The following CUX1 variants were observed in gnomAD, a reference collection of about 807,000 sequenced individuals.
CUX1 encodes the protein protein CASP.
In CUX1, 31 loss-of-function variants were observed where a neutral mutation model predicts 158.8. The observed-to-expected ratio is 0.20, with a 90% confidence interval of 0.15 to 0.26. The LOEUF is 0.26. Among genes scored for constraint, CUX1 ranks in the 10% least tolerant of loss-of-function variants. CUX1 has a pLI of 1.00. For synonymous variants in CUX1, 879 were observed against 862.1 expected (o/e 1.02, Z -0.34); for missense variants, 1,589 against 2,014.6 (o/e 0.79, Z 4.04).
intron 2 of CUX1, among the ~76,000 whole-genome samples, chr7:101,976,000 T>G (rs1232986479): frequency 1.3e-5 from 2 of 152,094 alleles, no homozygotes; most frequent in Non-Finnish European, 2.9e-5. Context: ...GGCGTTGTGA[T>G]GGATGCCTGT....
chr7:102,283,780 CCA>C (rs1476282678), exon 23 of CUX1: 1 of 152,670 alleles, frequency 6.6e-6, no homozygotes, highest in Non-Finnish European at 1.5e-5. Flanking sequence ...CCCCCGAGCC[CCA>C]GTCTCTTCAG....
intron 2 of CUX1, among the ~76,000 whole-genome samples, chr7:101,936,895 G>C (rs1011881872): frequency 6.6e-6 from 1 of 152,160 alleles, no homozygotes; most frequent in Non-Finnish European, 1.5e-5. Flanking sequence ...TTCCTAACAT[G>C]GCTAATCATA....
intron 12 of CUX1, among the ~76,000 whole-genome samples, chr7:102,191,356 C>T (rs2131913289): frequency 6.6e-6 from 1 of 152,318 alleles, no homozygotes; most frequent in South Asian, 2.1e-4. Context: ...GCCTCAGCCT[C>T]ACAAGTAGCT....
chr7:101,989,136 C>T (rs914402227), intron 2 of CUX1, among the ~76,000 whole-genome samples: 1 of 152,100 alleles, frequency 6.6e-6, no homozygotes, highest in Non-Finnish European at 1.5e-5. Flanking sequence ...CATGAACCTT[C>T]CCAGCCCTCA....
chr7:102,083,077 CAA>C (rs1298427677), intron 4 of CUX1, among the ~76,000 whole-genome samples: 3 of 146,836 alleles, frequency 2.0e-5, no homozygotes, highest in Non-Finnish European at 4.6e-5. Context: ...CTCAGGATAG[CAA>C]AGTTACAGTT....
At chr7:102,220,670 C>T (rs1797714943) in intron 20 of CUX1, among the ~76,000 whole-genome samples, 1 of 152,230 alleles carries the variant, frequency 6.6e-6, no homozygotes, top group Non-Finnish European at 1.5e-5. Flanking sequence ...CCGGGCACCT[C>T]AGAGCCTGCC....
At chr7:101,894,630 G>C (rs956263733) in intron 1 of CUX1, among the ~76,000 whole-genome samples, 3 of 152,200 alleles carry the variant, frequency 2.0e-5, no homozygotes, top group Admixed American at 2.0e-4. Flanking sequence ...AGGTTTTAAA[G>C]AGTGGAAGTG....
At position 102,128,129 on chromosome 7, in the gene CUX1, C is replaced by T. The variant is rs112605175; in HGVS notation, c.674+12856C>T. Among the ~76,000 whole-genome samples the T allele has an allele frequency of 6.4e-4, 97 of 152,294 alleles. 1 individual carries two copies. Among genetic ancestry groups the T allele is most frequent in the Admixed American group, 3.2e-3 (49 of 15,300 alleles). ...CTGGGATTACAGGCGTGAGCCACCA[C>T]GCCCAGCCGGCTGTGGCATCTTGAG... On this transcript the variant is annotated intron_variant, in intron 8 of 23. Coordinates refer to ENST00000292535, the MANE Select transcript of CUX1 (RefSeq NM_181552.4).
rs7807971 is a variant in CUX1 at position 102,146,895 on chromosome 7, G to A, written c.675-11665G>A. 1.6e-3 allele frequency among the ~76,000 whole-genome samples: 250 copies of A among 152,162 alleles called. 1 individual carries two copies. The highest frequency in any genetic ancestry group is 5.8e-3 in the African/African-American group (239 of 41,510). On this transcript the variant is annotated intron_variant, in intron 8 of 23. Transcript: ENST00000292535. ...ATTACATGAGTGAGCCACTGCGCCT[G>A]GCCTAAACTTGTTTTTAATCATTAC...
At chr7:102,192,110 T>G (rs1794340566) in intron 12 of CUX1, among the ~76,000 whole-genome samples, 1 of 152,170 alleles carries the variant, frequency 6.6e-6, no homozygotes, top group Non-Finnish European at 1.5e-5. Context: ...CCAGCTGTGC[T>G]CTTGAGCTCT....
intron 2 of CUX1, among the ~76,000 whole-genome samples, chr7:102,007,020 G>A (rs551312122): frequency 1.6e-4 from 24 of 152,310 alleles, no homozygotes; most frequent in Non-Finnish European, 3.2e-4. Context: ...AGCTGCCTTG[G>A]GATGGATCTC....
At chr7:102,274,302 T>C in exon 16 of CUX1, 1 of 1,613,300 alleles carries the variant, frequency 6.2e-7, no homozygotes, top group Non-Finnish European at 8.5e-7. Context: ...GCCACTGCCC[T>C]ATTCTACGGT....
chr7:102,050,525 G>A (rs1199972136), intron 3 of CUX1, among the ~76,000 whole-genome samples: 2 of 152,026 alleles, frequency 1.3e-5, no homozygotes, highest in African/African-American at 2.4e-5. Flanking sequence ...GCCTCCCTGG[G>A]GCTCCCACTG....
chr7:101,958,844 C>CTTTTTT (rs10667965), intron 2 of CUX1, among the ~76,000 whole-genome samples: 3 of 65,814 alleles, frequency 4.6e-5, no homozygotes, highest in African/African-American at 1.8e-4. Flanking sequence ...AGATGATGCC[C>CTTTTTT]TTTTTTTTTT....
chr7:101,850,685 C>G (rs1796186165), intron 1 of CUX1, among the ~76,000 whole-genome samples: 1 of 152,078 alleles, frequency 6.6e-6, no homozygotes, highest in Admixed American at 6.6e-5. Flanking sequence ...CAGCCAGCCC[C>G]TGGTTTTCTA....
intron 9 of CUX1, among the ~76,000 whole-genome samples, chr7:102,170,007 G>A (rs1291501000): frequency 6.6e-6 from 1 of 152,204 alleles, no homozygotes; most frequent in Non-Finnish European, 1.5e-5. Flanking sequence ...CCACAACATT[G>A]TTTGTGCGTG....
At chr7:101,963,435 C>T (rs555153099) in intron 2 of CUX1, among the ~76,000 whole-genome samples, 13 of 152,300 alleles carry the variant, frequency 8.5e-5, no homozygotes, top group African/African-American at 3.1e-4. Context: ...CCCAGCAGTT[C>T]ATCCCGGATC....
At chr7:102,105,598 C>T (rs59220714) in intron 6 of CUX1, among the ~76,000 whole-genome samples, 30,264 of 149,636 alleles carry the variant, frequency 0.2, 3,810 homozygotes, top group Non-Finnish European at 0.29. Flanking sequence ...CTGCAACCTC[C>T]GCCTCCTGGG....
Position 101,916,313 on chromosome 7 carries a change from C to T in CUX1, c.141+88C>T. ...CGACGCTCCGTGAGCGTTTCATTTT[C>T]ATCAGATGAACGCACGGCCGGCAAA... On this transcript the variant is annotated intron_variant, in intron 2 of 23. Transcript: ENST00000292535. This position sits in a 1 kb window ranked among gnomAD's most constrained non-coding sequence, Gnocchi z 4.4. 2.3e-6 allele frequency: 2 copies of T among 862,620 alleles called. No individual in the cohort carries two copies. Among genetic ancestry groups the T allele is most frequent in the Non-Finnish European group, 3.9e-6 (2 of 507,030 alleles). The allele number at this position is 862,620 out of a possible 1,614,324, so 53.4% of individuals were successfully genotyped here.
Sources: gnomAD v4.1 joint callset for allele counts (sites outside exome capture counted in the v4.1 genomes callset) on GRCh38, gnomAD v4.1.1 for gene constraint, Gnocchi (gnomAD v3.1) non-coding constraint, MANE v1.5 for transcripts, NCBI Gene and HGNC (gene_info 2026-07-23, HGNC 2026-07-21) for gene names.